BRD10: variants seen among roughly 807,000 people sequenced by gnomAD.
The protein encoded by BRD10 is bromodomain containing 10, also known as uncharacterized bromodomain-containing protein 10.
At chr9:5,884,351 G>C in the BRD10 span, among the ~76,000 whole-genome samples, 1 of 152,182 alleles carries the variant, frequency 6.6e-6, no homozygotes, top group South Asian at 2.1e-4. Context: ...GCTCAGCGTG[G>C]TATTCCAGGC....
chr9:5,979,617 CTT>C, the BRD10 span, among the ~76,000 whole-genome samples: 2 of 152,032 alleles, frequency 1.3e-5, no homozygotes, highest in Non-Finnish European at 2.9e-5. Flanking sequence ...CTAAAGTAGA[CTT>C]AAGTTATCAA....
chr9:5,946,645 C>A, the BRD10 span, among the ~76,000 whole-genome samples: 2 of 140,994 alleles, frequency 1.4e-5, no homozygotes, highest in Admixed American at 7.3e-5. Flanking sequence ...ATGGCTATAC[C>A]TCTTTCACCG....
At chr9:5,976,808 C>T in the BRD10 span, among the ~76,000 whole-genome samples, 2 of 150,566 alleles carry the variant, frequency 1.3e-5, no homozygotes, top group Non-Finnish European at 2.9e-5. Flanking sequence ...ATCCTGAAGG[C>T]AGTGCATACA....
chr9:5,881,971 A>G, the BRD10 span, among the ~76,000 whole-genome samples: 1 of 152,242 alleles, frequency 6.6e-6, no homozygotes, highest in African/African-American at 2.4e-5. Context: ...TGTGTCAGAC[A>G]TGAACAGGTG....
chr9:5,928,735 T>C, the BRD10 span, among the ~76,000 whole-genome samples: 1 of 152,180 alleles, frequency 6.6e-6, no homozygotes, highest in African/African-American at 2.4e-5. Flanking sequence ...AGAGTAACCT[T>C]CACCCTGCCC....
the BRD10 span, among the ~76,000 whole-genome samples, chr9:5,976,295 T>C: frequency 2.0e-5 from 3 of 152,230 alleles, no homozygotes; most frequent in Admixed American, 6.5e-5. Flanking sequence ...TACTTTACCA[T>C]GAAACTGAAT....
chr9:5,886,772 G>T, the BRD10 span, among the ~76,000 whole-genome samples: 3 of 152,206 alleles, frequency 2.0e-5, no homozygotes, highest in Admixed American at 2.0e-4. Flanking sequence ...CTTCTAGGGG[G>T]CTTCCGGGAA....
the BRD10 span, among the ~76,000 whole-genome samples, chr9:5,965,843 C>T: frequency 6.6e-6 from 1 of 152,146 alleles, no homozygotes. Context: ...AAGGCCACAA[C>T]GTCTCACACC....
At chr9:5,886,446 G>A in the BRD10 span, among the ~76,000 whole-genome samples, 3 of 152,210 alleles carry the variant, frequency 2.0e-5, no homozygotes, top group Non-Finnish European at 2.9e-5. Flanking sequence ...CTTCCAACAG[G>A]ATCTCGTTTA....
At chr9:5,895,643 G>T in the BRD10 span, among the ~76,000 whole-genome samples, 1 of 152,220 alleles carries the variant, frequency 6.6e-6, no homozygotes, top group South Asian at 2.1e-4. Context: ...AGTCATCCAT[G>T]GAACTTGTTA....
At chr9:5,988,889 G>A in the BRD10 span, among the ~76,000 whole-genome samples, 1 of 151,998 alleles carries the variant, frequency 6.6e-6, no homozygotes, top group Non-Finnish European at 1.5e-5. Flanking sequence ...CAATAATACA[G>A]AAACATTTGG....
At chr9:5,931,432 C>G in the BRD10 span, among the ~76,000 whole-genome samples, 1 of 152,144 alleles carries the variant, frequency 6.6e-6, no homozygotes, top group South Asian at 2.1e-4. Flanking sequence ...TATTACTAAT[C>G]TTAGAAATTT....
chr9:5,958,572 C>A, the BRD10 span, among the ~76,000 whole-genome samples: 1 of 152,086 alleles, frequency 6.6e-6, no homozygotes, highest in Non-Finnish European at 1.5e-5. Flanking sequence ...GGATGGCTTG[C>A]GCCCCGGAGT....
the BRD10 span, among the ~76,000 whole-genome samples, chr9:5,946,736 T>C: frequency 6.6e-6 from 1 of 152,116 alleles, no homozygotes; most frequent in African/African-American, 2.4e-5. Context: ...TTTACTTGCA[T>C]CTCAGTTGTC....
the BRD10 span, chr9:5,988,275 G>C: frequency 1.8e-5 from 20 of 1,099,978 alleles, no homozygotes; most frequent in Non-Finnish European, 2.7e-5. Context: ...ACTAAAATGG[G>C]CCCAGAAATC....
chr9:5,987,527 C>T, the BRD10 span, among the ~76,000 whole-genome samples: 1 of 152,038 alleles, frequency 6.6e-6, no homozygotes. Context: ...AAATACTTTA[C>T]AGCAGGTTTC....
chr9:5,957,576 T>G, the BRD10 span, among the ~76,000 whole-genome samples: 66 of 152,288 alleles, frequency 4.3e-4, 1 homozygote, highest in South Asian at 5.0e-3. Flanking sequence ...CTGTCTCACT[T>G]CAAAGCTGTA....
At chr9:6,007,520 G>C in the BRD10 span, 1 of 1,613,064 alleles carries the variant, frequency 6.2e-7, no homozygotes, top group Non-Finnish European at 8.5e-7. Flanking sequence ...TTCTCCTGCA[G>C]GAACTCGCCC....
the BRD10 span, among the ~76,000 whole-genome samples, chr9:5,916,603 T>C: frequency 5.5e-5 from 8 of 145,424 alleles, no homozygotes; most frequent in South Asian, 2.3e-4. Context: ...ATAAAACTAA[T>C]CACAAAGGAA....
Sources: gnomAD v4.1 joint callset for allele counts (sites outside exome capture counted in the v4.1 genomes callset) on GRCh38, gnomAD v4.1.1 for gene constraint, MANE v1.5 for transcripts, NCBI Gene and HGNC (gene_info 2026-07-23, HGNC 2026-07-21) for gene names.